Variants in DLG2 observed in about 807,000 individuals in gnomAD.
DLG2 encodes the protein discs large MAGUK scaffold protein 2, also known as disks large homolog 2.
In DLG2, 45 loss-of-function variants were observed where a neutral mutation model predicts 132.5. The ratio of observed to expected loss-of-function variants is 0.34; its 90% CI spans 0.27 to 0.44. The LOEUF is 0.44. DLG2 is among the 20% of genes least tolerant of loss of function. DLG2 has a pLI of 1.00. For synonymous variants in DLG2, 424 were observed against 419.6 expected (o/e 1.01, Z -0.13); for missense variants, 1,045 against 1,196.9 (o/e 0.87, Z 1.87).
At chr11:85,121,512 C>T (rs1415728327) in intron 5 of DLG2, among the ~76,000 whole-genome samples, 1 of 151,842 alleles carries the variant, frequency 6.6e-6, no homozygotes, top group Non-Finnish European at 1.5e-5. Flanking sequence ...AAAAGCAGAT[C>T]TGACTGCTTT....
At chr11:84,347,745 G>T (rs974412714) in intron 7 of DLG2, among the ~76,000 whole-genome samples, 6 of 152,242 alleles carry the variant, frequency 3.9e-5, no homozygotes, top group Non-Finnish European at 8.8e-5. Context: ...TGGCCAAGAG[G>T]TTTACAGAGA....
chr11:84,821,639 AAACAACAACAAC>A (rs1209724011), intron 6 of DLG2, among the ~76,000 whole-genome samples: 1 of 128,354 alleles, frequency 7.8e-6, no homozygotes, highest in Non-Finnish European at 1.7e-5. Context: ...AAAAAAAAAA[AAACAACAACAAC>A]AAAAAAAACA....
intron 3 of DLG2, among the ~76,000 whole-genome samples, chr11:85,398,945 G>A (rs957671214): frequency 6.6e-6 from 1 of 152,066 alleles, no homozygotes; most frequent in Non-Finnish European, 1.5e-5. Flanking sequence ...TTAGGCAGGA[G>A]AAGGAAATAA....
intron 3 of DLG2, among the ~76,000 whole-genome samples, chr11:85,322,714 G>A (rs1276576328): frequency 6.6e-6 from 1 of 152,068 alleles, no homozygotes; most frequent in Non-Finnish European, 1.5e-5. Context: ...TGATCACCCA[G>A]TTGCTCTGTC....
chr11:85,330,787 AAAATT>A (rs2081655355), intron 3 of DLG2, among the ~76,000 whole-genome samples: 1 of 102,810 alleles, frequency 9.7e-6, no homozygotes, highest in African/African-American at 4.1e-5. Context: ...TAAAAAAAAA[AAAATT>A]AAAAAAAAAA....
At chr11:83,873,942 G>T (rs546513727) in intron 16 of DLG2, among the ~76,000 whole-genome samples, 22 of 152,296 alleles carry the variant, frequency 1.4e-4, no homozygotes, top group African/African-American at 4.3e-4. Flanking sequence ...TATCACAAGT[G>T]TGTGTTTGTA....
At chr11:84,557,690 G>C (rs551080581) in intron 6 of DLG2, among the ~76,000 whole-genome samples, 1 of 151,272 alleles carries the variant, frequency 6.6e-6, no homozygotes, top group South Asian at 2.1e-4. Context: ...AGATATTTGG[G>C]CTTTTTCTAT....
intron 8 of DLG2, among the ~76,000 whole-genome samples, chr11:84,240,873 T>C (rs897588848): frequency 1.3e-5 from 2 of 152,110 alleles, no homozygotes; most frequent in Non-Finnish European, 2.9e-5. Flanking sequence ...TGTCATAATA[T>C]CCTAAATATA....
chr11:85,338,036 G>A (rs1468593460), intron 3 of DLG2, among the ~76,000 whole-genome samples: 2 of 152,052 alleles, frequency 1.3e-5, no homozygotes, highest in African/African-American at 4.8e-5. Flanking sequence ...GAGTCACAAA[G>A]TAATAAGAAA....
chr11:85,248,195 C>T (rs899198351), intron 4 of DLG2, among the ~76,000 whole-genome samples: 8 of 152,050 alleles, frequency 5.3e-5, no homozygotes, highest in African/African-American at 1.7e-4. Context: ...CACAAACAAA[C>T]GAACTGAGGC....
At chr11:83,805,787 C>T (rs2045744544) in intron 17 of DLG2, among the ~76,000 whole-genome samples, 1 of 152,146 alleles carries the variant, frequency 6.6e-6, no homozygotes, top group Admixed American at 6.6e-5. Flanking sequence ...CCACAACCCT[C>T]TCTAGTCTTT....
At chr11:83,818,289 C>T (rs910935677) in intron 17 of DLG2, among the ~76,000 whole-genome samples, 21 of 152,194 alleles carry the variant, frequency 1.4e-4, no homozygotes, top group African/African-American at 5.1e-4. Flanking sequence ...CTGCATTGGA[C>T]TTCATGTTCT....
At chr11:84,390,556 G>A (rs1024676368) in intron 7 of DLG2, among the ~76,000 whole-genome samples, 1 of 152,132 alleles carries the variant, frequency 6.6e-6, no homozygotes, top group Non-Finnish European at 1.5e-5. Context: ...ATGGCAAGGA[G>A]ACCGCAGGTG....
At chr11:85,330,744 A>C in intron 3 of DLG2, among the ~76,000 whole-genome samples, 1 of 125,816 alleles carries the variant, frequency 7.9e-6, no homozygotes. Context: ...AACCTGCACA[A>C]TGTGCACATG....
At chr11:84,434,118 CAAA>C (rs201807752) in intron 7 of DLG2, among the ~76,000 whole-genome samples, 9 of 86,942 alleles carry the variant, frequency 1.0e-4, no homozygotes, top group Admixed American at 2.8e-4. Flanking sequence ...GACTCCATCT[CAAA>C]AAAAAAAAAA....
chr11:84,611,084 T>C (rs1333889616), intron 6 of DLG2, among the ~76,000 whole-genome samples: 1 of 149,452 alleles, frequency 6.7e-6, no homozygotes, highest in Non-Finnish European at 1.5e-5. Context: ...TTCCCAATGG[T>C]TTATGCCTCT....
chr11:84,058,504 T>TAAAATAATTA (rs372631929), intron 11 of DLG2, among the ~76,000 whole-genome samples: 1 of 122,982 alleles, frequency 8.1e-6, no homozygotes, highest in Non-Finnish European at 1.6e-5. Flanking sequence ...AAAAAACAAA[T>TAAAATAATTA]ACAATAATAA....
intron 6 of DLG2, among the ~76,000 whole-genome samples, chr11:84,594,994 C>T (rs1414581514): frequency 1.3e-5 from 2 of 152,084 alleles, no homozygotes; most frequent in Non-Finnish European, 2.9e-5. Context: ...ATGTAGATGA[C>T]CTTTCATGCA....
intron 6 of DLG2, among the ~76,000 whole-genome samples, chr11:84,682,650 A>C (rs961393643): frequency 6.6e-6 from 1 of 152,180 alleles, no homozygotes; most frequent in Non-Finnish European, 1.5e-5. Context: ...TCCTTGACCC[A>C]CAGGTCTCTC....
Sources: allele counts gnomAD v4.1 joint callset (sites outside exome capture counted in the v4.1 genomes callset), GRCh38; gene constraint gnomAD v4.1.1; transcripts MANE v1.5; gene names NCBI Gene and HGNC (gene_info 2026-07-23, HGNC 2026-07-21).